Variants in ITGA11 observed in about 807,000 individuals in gnomAD.
ITGA11 encodes integrin alpha-11.
ITGA11 carries 97 observed loss-of-function variants against 141.9 expected under a neutral mutation model. The observed-to-expected ratio is 0.68, with a 90% CI of 0.58 to 0.81. The LOEUF is 0.81. ITGA11 is among the 30% of genes least tolerant of loss of function. ITGA11 has a pLI of 0.00. For missense variants in ITGA11, 1,387 were observed against 1,559.2 expected (o/e 0.89, Z 1.86); for synonymous variants, 658 against 624.6 (o/e 1.05, Z -0.80).
intron 2 of ITGA11, among the ~76,000 whole-genome samples, chr15:68,378,308 T>C (rs980786417): frequency 1.3e-5 from 2 of 152,036 alleles, no homozygotes; most frequent in Non-Finnish European, 2.9e-5. Context: ...AAATAAATAG[T>C]TTCATCCCTT....
intron 3 of ITGA11, 30 bp from the exon 4 acceptor site, chr15:68,364,828 G>A (rs761744077): frequency 6.3e-7 from 1 of 1,586,320 alleles, no homozygotes; most frequent in South Asian, 1.1e-5. Flanking sequence ...TCAGCTTGCA[G>A]CCCCCTCCTG....
At chr15:68,368,859 C>CTT (rs1491217604) in intron 3 of ITGA11, among the ~76,000 whole-genome samples, 4 of 68,998 alleles carry the variant, frequency 5.8e-5, no homozygotes. Flanking sequence ...GACAGGAAGT[C>CTT]CTTTTTTTTT....
rs1595861098 is a variant in ITGA11, at chr15:68,328,024, G to C, written c.2068+72C>G. On this transcript the variant is annotated intron_variant, in intron 16 of 29. Coordinates refer to ENST00000315757, the MANE Select transcript of ITGA11 (RefSeq NM_001004439.2). The surrounding 1 kb of genome is among the most constrained non-coding windows in gnomAD (Gnocchi z 4.8). The stretch of plus-strand genomic sequence containing the variant: ...AGCACCCATTTTGGGAAAAGCCCAG[G>C]CTTTGAAATAGAGCAAGGTGCAGGG... The C allele has an allele frequency of 2.1e-6, 3 of 1,458,264 alleles. No homozygotes were observed. Among genetic ancestry groups the C allele is most frequent in the Non-Finnish European group, 1.8e-6 (2 of 1,083,420 alleles). 90.3% of individuals were successfully genotyped at this position (1,458,264 alleles called of 1,614,324 possible). A position where few individuals can be genotyped will look rare whatever the true frequency, so the allele number is the denominator to read the frequency against.
At position 68,304,677 on chromosome 15, in the gene ITGA11, G is replaced by C. The variant is rs1893131787; in HGVS notation, c.3382-792C>G. 6.6e-6 allele frequency among the ~76,000 whole-genome samples: 1 copy of C among 152,054 alleles called. No individual in the cohort carries two copies. Among genetic ancestry groups the C allele is most frequent in the South Asian group, 2.1e-4 (1 of 4,820 alleles). On this transcript the variant is annotated intron_variant, in intron 28 of 29. Transcript: ENST00000315757. This position sits in a 1 kb window ranked among gnomAD's most constrained non-coding sequence, Gnocchi z 6.1. The stretch of plus-strand genomic sequence containing the variant: ...CCTGGCCTGCCTGGCAACTGTAACA[G>C]GCCCCTAACCAAGCTCTTAACACCC...
chr15:68,413,267 C>T (rs544763220), intron 1 of ITGA11, among the ~76,000 whole-genome samples: 14 of 152,188 alleles, frequency 9.2e-5, no homozygotes, highest in African/African-American at 3.1e-4. Context: ...AGACTAAGGC[C>T]CAGAGCGGGG....
intron 2 of ITGA11, among the ~76,000 whole-genome samples, chr15:68,379,393 C>G (rs551818527): frequency 6.6e-6 from 1 of 152,314 alleles, no homozygotes; most frequent in African/African-American, 2.4e-5. Context: ...GAGAGAGAGA[C>G]CCTGATCCAT....
intron 1 of ITGA11, among the ~76,000 whole-genome samples, chr15:68,422,662 C>A (rs962235805): frequency 6.6e-6 from 1 of 152,152 alleles, no homozygotes; most frequent in African/African-American, 2.4e-5. Context: ...TCGGTTTCCT[C>A]TCAGAGGCCT....
chr15:68,351,475 G>C lies in ITGA11; in HGVS notation c.750-73C>G, dbSNP rs1031006952. 5.9e-6 allele frequency: 9 copies of C among 1,531,914 alleles called. No homozygotes were observed. In the East Asian group the frequency reaches 9.0e-5, roughly 15 times the overall value. The allele number at this position is 1,531,914 out of a possible 1,614,324, so 94.9% of individuals were successfully genotyped here. ...GGGCAGCCCCTGACGCTCCTGCAGA[G>C]GGGCAGCCACAGAAACCAGGACCAA... On this transcript the variant is annotated intron_variant, in intron 7 of 29. Coordinates refer to ENST00000315757, the MANE Select transcript of ITGA11 (RefSeq NM_001004439.2).
At chr15:68,376,096 G>A (rs1462324856) in intron 2 of ITGA11, among the ~76,000 whole-genome samples, 1 of 152,196 alleles carries the variant, frequency 6.6e-6, no homozygotes, top group East Asian at 1.9e-4. Flanking sequence ...TGAGAAGCAT[G>A]AGGAGTGTTT....
At chr15:68,340,469 G>A (rs1894531078) in intron 10 of ITGA11, among the ~76,000 whole-genome samples, 3 of 152,150 alleles carry the variant, frequency 2.0e-5, no homozygotes, top group Admixed American at 6.5e-5. Flanking sequence ...GGAACTGAAC[G>A]CTGTTTGATG....
intron 8 of ITGA11, 109 bp from the exon 9 acceptor site, chr15:68,350,891 G>T: frequency 8.9e-7 from 1 of 1,120,814 alleles, no homozygotes; most frequent in Non-Finnish European, 1.3e-6. Flanking sequence ...AGCCAGGGCC[G>T]GTAGCCATGA....
At chr15:68,331,170 T>A in intron 14 of ITGA11, 59 bp from the exon 15 acceptor site, 2 of 1,466,978 alleles carry the variant, frequency 1.4e-6, no homozygotes, top group Non-Finnish European at 1.9e-6. Context: ...GGGGCGGGCG[T>A]CCCCGAGCAG....
At chr15:68,375,394 C>T (rs1895702568) in intron 2 of ITGA11, among the ~76,000 whole-genome samples, 3 of 152,252 alleles carry the variant, frequency 2.0e-5, no homozygotes, top group Non-Finnish European at 1.5e-5. Context: ...AATGGAATCT[C>T]CTCCAGCCCC....
In ITGA11 at chr15:68,305,230, A is replaced by G. The variant is rs1276145422; in HGVS notation, c.3382-1345T>C. Among the ~76,000 whole-genome samples, 1 of 152,040 alleles carries G rather than the reference A, an allele frequency of 6.6e-6. No individual in the cohort carries two copies. Among genetic ancestry groups the G allele is most frequent in the Admixed American group, 6.5e-5 (1 of 15,278 alleles). ...CCCTCTGCCTGCAAGGGTTTCCCTC[A>G]CGCAGCCACGAGACACTCCTGTCTT... On this transcript the variant is annotated intron_variant, in intron 28 of 29. Coordinates refer to ENST00000315757, the MANE Select transcript of ITGA11 (RefSeq NM_001004439.2). This position sits in a 1 kb window ranked among gnomAD's most constrained non-coding sequence, Gnocchi z 4.6.
intron 11 of ITGA11, chr15:68,336,075 C>A (rs1442789263): frequency 1.7e-6 from 1 of 581,024 alleles, no homozygotes; most frequent in Non-Finnish European, 3.1e-6. Context: ...CTCACTGCAC[C>A]CCAGCCCCTG....
At chr15:68,311,984 C>A (rs954502717) in intron 24 of ITGA11, among the ~76,000 whole-genome samples, 11 of 152,180 alleles carry the variant, frequency 7.2e-5, no homozygotes, top group Non-Finnish European at 1.5e-4. Context: ...TACTAGGCCT[C>A]TCTTGAACAA....
chr15:68,412,923 G>C (rs1402377428), intron 1 of ITGA11, among the ~76,000 whole-genome samples: 1 of 152,026 alleles, frequency 6.6e-6, no homozygotes, highest in African/African-American at 2.4e-5. Flanking sequence ...TGATCTACCT[G>C]CCTCGGCCTC....
chr15:68,379,085 AGT>A (rs1195053973), intron 2 of ITGA11, among the ~76,000 whole-genome samples: 1 of 152,180 alleles, frequency 6.6e-6, no homozygotes, highest in Non-Finnish European at 1.5e-5. Context: ...CTGACATTCG[AGT>A]GTCAATCTTC....
intron 2 of ITGA11, among the ~76,000 whole-genome samples, chr15:68,391,947 T>C (rs192612641): frequency 6.6e-6 from 1 of 152,342 alleles, no homozygotes; most frequent in African/African-American, 2.4e-5. Context: ...TTTCATACCA[T>C]GTAAACAATA....
Sources: gnomAD v4.1 joint callset for allele counts (sites outside exome capture counted in the v4.1 genomes callset) on GRCh38, gnomAD v4.1.1 for gene constraint, Gnocchi (gnomAD v3.1) non-coding constraint, MANE v1.5 for transcripts, NCBI Gene and HGNC (gene_info 2026-07-23, HGNC 2026-07-21) for gene names.